NDUFAF6: variants seen among roughly 807,000 people sequenced by gnomAD.
NDUFAF6 encodes NADH:ubiquinone oxidoreductase complex assembly factor 6, also known as NADH dehydrogenase (ubiquinone) complex I, assembly factor 6.
NDUFAF6 carries 45 observed loss-of-function variants against 40.8 expected under a neutral mutation model. The ratio of observed to expected loss-of-function variants is 1.10; its 90% CI spans 0.87 to 1.42. The LOEUF is 1.42. NDUFAF6 is among the 40% of genes most tolerant of loss of function. The probability of loss-of-function intolerance (pLI) is 0.00; values close to 1 mark genes in which losing one functional copy is unlikely to be tolerated. For missense variants in NDUFAF6, 435 were observed against 418.5 expected (o/e 1.04, Z -0.34); for synonymous variants, 185 against 155.9 (o/e 1.19, Z -1.39).
chr8:95,002,341 G>T (rs933449288), intron 2 of NDUFAF6, among the ~76,000 whole-genome samples: 3 of 152,190 alleles, frequency 2.0e-5, no homozygotes, highest in African/African-American at 7.2e-5. Context: ...AACAAGCGCT[G>T]TGAGCCCTCA....
At chr8:95,018,237 A>G (rs1827548717) in intron 2 of NDUFAF6, among the ~76,000 whole-genome samples, 1 of 148,130 alleles carries the variant, frequency 6.8e-6, no homozygotes, top group Non-Finnish European at 1.5e-5. Context: ...GGGTCTCCCT[A>G]TGTTGCCCAG....
At chr8:95,064,338 G>A (rs1240668070) in intron 9 of NDUFAF6, among the ~76,000 whole-genome samples, 1 of 151,680 alleles carries the variant, frequency 6.6e-6, no homozygotes, top group Admixed American at 6.6e-5. Context: ...CTTGCTTTGA[G>A]GGAATTTGTA....
Position 94,902,043 on chromosome 8 carries a change from G to A in NDUFAF6, c.-936+6116G>A, listed in dbSNP as rs188329763. ...CCATCATTCCATCTTATTTTCTGGTGCATTTCAAAAAGAAAAAAAAAAGGA... is the reference window on the plus strand; with the variant it reads ...CCATCATTCCATCTTATTTTCTGGTACATTTCAAAAAGAAAAAAAAAAGGA... On this transcript the variant is annotated intron_variant, in intron 1 of 14. Coordinates refer to the NDUFAF6 transcript ENST00000396113. Among the ~76,000 whole-genome samples the A allele has an allele frequency of 7.9e-5, 12 of 151,802 alleles. No individual in the cohort carries two copies. In the East Asian group the frequency reaches 1.9e-3, roughly 24 times the overall value.
At chr8:94,941,237 C>T (rs1181786246) in intron 1 of NDUFAF6, 4 of 275,162 alleles carry the variant, frequency 1.5e-5, no homozygotes, top group Middle Eastern at 1.0e-3. Context: ...GAGTCAAACA[C>T]AAGAAATGCA....
chr8:94,992,203 T>C (rs1225913094), intron 2 of NDUFAF6, among the ~76,000 whole-genome samples: 2 of 151,774 alleles, frequency 1.3e-5, no homozygotes, highest in African/African-American at 4.8e-5. Context: ...AAATATGACA[T>C]GTGGCTGGGC....
upstream of NDUFAF6, among the ~76,000 whole-genome samples, chr8:95,022,083 T>C (rs1827713260): frequency 6.6e-6 from 1 of 152,142 alleles, no homozygotes; most frequent in Non-Finnish European, 1.5e-5. Context: ...GTGGAAAATA[T>C]AAGGATTGAA....
chr8:95,013,859 G>C (rs1426041830), intron 2 of NDUFAF6, among the ~76,000 whole-genome samples: 1 of 152,012 alleles, frequency 6.6e-6, no homozygotes, highest in Non-Finnish European at 1.5e-5. Flanking sequence ...GAGGTTCTTT[G>C]ATCAGGTCAA....
At chr8:95,046,845 C>T in intron 5 of NDUFAF6, 149 bp from the exon 6 acceptor site, 1 of 973,490 alleles carries the variant, frequency 1.0e-6, no homozygotes, top group South Asian at 1.5e-5. Context: ...TGTTATTGTG[C>T]CCAGTTTTTC....
downstream of NDUFAF6, among the ~76,000 whole-genome samples, chr8:95,063,442 C>G (rs1587215748): frequency 6.6e-6 from 1 of 151,986 alleles, no homozygotes; most frequent in Non-Finnish European, 1.5e-5. Context: ...ACTAAAAATA[C>G]AAAAATTATC....
chr8:95,059,032 C>G (rs1832493084), downstream of NDUFAF6, among the ~76,000 whole-genome samples: 1 of 152,078 alleles, frequency 6.6e-6, no homozygotes, highest in South Asian at 2.1e-4. Flanking sequence ...AAGACCCTGT[C>G]TCAAAGACAA....
intron 4 of NDUFAF6, among the ~76,000 whole-genome samples, chr8:95,043,983 G>A (rs1386869106): frequency 6.6e-6 from 1 of 152,108 alleles, no homozygotes; most frequent in East Asian, 1.9e-4. Flanking sequence ...AAAGTAGAAA[G>A]AACTCATAGT....
chr8:95,098,157 T>C (rs1809527543), upstream of NDUFAF6, among the ~76,000 whole-genome samples: 1 of 152,220 alleles, frequency 6.6e-6, no homozygotes, highest in Non-Finnish European at 1.5e-5. Flanking sequence ...GAATCTCTAC[T>C]GCTACATCTG....
intron 1 of NDUFAF6, among the ~76,000 whole-genome samples, chr8:94,961,865 A>G (rs1823604039): frequency 1.3e-5 from 2 of 152,180 alleles, no homozygotes; most frequent in Non-Finnish European, 2.9e-5. Flanking sequence ...ATATTTTGCT[A>G]TGATTCTCCA....
At chr8:95,031,371 C>T (rs28626709) in intron 1 of NDUFAF6, among the ~76,000 whole-genome samples, 2,674 of 152,282 alleles carry the variant, frequency 0.018, 74 homozygotes, top group African/African-American at 0.061. Context: ...AAAAACCATA[C>T]ATTCACCCCA....
Position 94,966,465 on chromosome 8 carries a change from G to A in NDUFAF6, c.-199+8286G>A, listed in dbSNP as rs191838598. 5.4e-3 allele frequency among the ~76,000 whole-genome samples: 823 copies of A among 152,098 alleles called. 6 individuals carry two copies. Among genetic ancestry groups the A allele is most frequent in the African/African-American group, 0.019 (780 of 41,496 alleles). On this transcript the variant is annotated intron_variant, in intron 1 of 9. Transcript: ENST00000396111. Reference sequence around the variant, plus strand: ...AAAAATTAGCCAGGTGTGGTAGCACGCGCCTGTGGTCCCAGCTACTTGGGA... The same window carrying A: ...AAAAATTAGCCAGGTGTGGTAGCACACGCCTGTGGTCCCAGCTACTTGGGA...
intron 1 of NDUFAF6, among the ~76,000 whole-genome samples, chr8:94,980,524 A>G (rs1337297060): frequency 1.4e-5 from 2 of 138,926 alleles, no homozygotes; most frequent in African/African-American, 2.7e-5. Flanking sequence ...GCTCACTGCA[A>G]CCTCCACTTC....
intron 2 of NDUFAF6, among the ~76,000 whole-genome samples, chr8:95,093,604 T>G (rs1809342088): frequency 6.6e-6 from 1 of 152,224 alleles, no homozygotes; most frequent in Admixed American, 6.5e-5. Flanking sequence ...TGTCCCCTTT[T>G]TGTCTTTAAA....
intron 2 of NDUFAF6, among the ~76,000 whole-genome samples, chr8:94,999,124 CTT>C (rs757137462): frequency 3.2e-4 from 45 of 139,340 alleles, no homozygotes; most frequent in African/African-American, 6.1e-4. Flanking sequence ...TTCCATTCTA[CTT>C]TTTTTTTTTT....
At position 95,032,089 on chromosome 8, in the gene NDUFAF6, G is replaced by C; in HGVS notation, c.292G>C (p.Ala98Pro). ...ACTGAGGGCCTTTAATGTGGAACTG[G>C]CTCAGGCTGGTATTAAGATACCTTA... is the stretch of plus-strand genomic sequence containing the variant. Reference protein sequence around the residue: ...FALRAFNVELAQVKDSVSEKT... With the variant: ...FALRAFNVELPQVKDSVSEKT... The change falls in exon 2 of 9, where the codon GCT (alanine) becomes CCT (proline). Residue 98 changes from alanine to proline, a missense_variant. Coordinates refer to ENST00000396124, the MANE Select transcript of NDUFAF6 (RefSeq NM_152416.4). 1.2e-6 allele frequency: 2 copies of C among 1,613,596 alleles called. No homozygotes were observed. Among genetic ancestry groups the C allele is most frequent in the Non-Finnish European group, 1.7e-6 (2 of 1,179,534 alleles).
Sources: allele counts gnomAD v4.1 joint callset (sites outside exome capture counted in the v4.1 genomes callset), GRCh38; gene constraint gnomAD v4.1.1; transcripts MANE v1.5; gene names NCBI Gene and HGNC (gene_info 2026-07-23, HGNC 2026-07-21).